The following RASA3 variants were observed in gnomAD, a reference collection of about 807,000 sequenced individuals.
RASA3 encodes the protein ras GTPase-activating protein 3.
Under a neutral mutation model 110.0 loss-of-function variants are expected in RASA3, and 73 were observed. That is an observed-to-expected ratio of 0.66 (90% confidence interval 0.55 to 0.81). RASA3 has a LOEUF of 0.81. Ranked by LOEUF, RASA3 falls within the 30% of genes least tolerant of loss-of-function variation. RASA3 has a pLI of 0.00. For missense variants in RASA3, 976 were observed against 1,113.2 expected (o/e 0.88, Z 1.75); for synonymous variants, 500 against 451.4 (o/e 1.11, Z -1.37).
intron 4 of RASA3, 63 bp from the exon 5 acceptor site, chr13:114,029,950 G>T: frequency 6.9e-7 from 1 of 1,453,450 alleles, no homozygotes; most frequent in Non-Finnish European, 9.3e-7. Flanking sequence ...CACTAGGGCC[G>T]CGCGCCCAGG....
chr13:114,000,141 GGTCTCTGTTGGGGGT>G lies in RASA3; in HGVS notation c.1850-489_1850-475del, dbSNP rs2053359685. 2.5e-5 allele frequency among the ~76,000 whole-genome samples: 3 copies of G among 121,360 alleles called. No homozygotes were observed. In the South Asian group the frequency reaches 1.0e-3, roughly 42 times the overall value. 79.6% of individuals were successfully genotyped at this position (121,360 alleles called of 152,430 possible). A position where few individuals can be genotyped will look rare whatever the true frequency, so the allele number is the denominator to read the frequency against. ...TGCCAGGAGGGTCTCTGCTGGGGGG[GGTCTCTGTTGGGGGT>G]GTCTCTGCTGGGGGTCTCTGCCAGC... On this transcript the variant is annotated intron_variant, in intron 19 of 23. Coordinates refer to ENST00000334062, the MANE Select transcript of RASA3 (RefSeq NM_007368.4).
At chr13:114,124,240 A>C (rs1438801801) in intron 1 of RASA3, among the ~76,000 whole-genome samples, 1 of 152,212 alleles carries the variant, frequency 6.6e-6, no homozygotes, top group Non-Finnish European at 1.5e-5. Flanking sequence ...TTGAAAACGA[A>C]AACTAAGAAT....
chr13:113,984,802 C>T, intron 22 of RASA3, among the ~76,000 whole-genome samples: 1 of 21,942 alleles, frequency 4.6e-5, no homozygotes, highest in Non-Finnish European at 9.5e-5. Context: ...ACCCATCCAT[C>T]CATCCACCCA....
chr13:114,040,976 C>G (rs1566515775), intron 4 of RASA3, 24 bp downstream of exon 4: 1 of 1,611,518 alleles, frequency 6.2e-7, no homozygotes, highest in Non-Finnish European at 8.5e-7. Flanking sequence ...GCTCTGGTTT[C>G]CGGGGCTGCG....
At chr13:113,995,672 CAGCTGATGGGGGCCCG>C (rs1273956233) in intron 21 of RASA3, among the ~76,000 whole-genome samples, 2 of 116,728 alleles carry the variant, frequency 1.7e-5, no homozygotes, top group African/African-American at 3.5e-5. Flanking sequence ...ACGGAGGACC[CAGCTGATGGGGGCCCG>C]GCTGATGGGG....
In RASA3 at chr13:114,047,054, G is replaced by GA. The variant is rs1425745766; in HGVS notation, c.277+4997dup. 3.3e-5 allele frequency among the ~76,000 whole-genome samples: 5 copies of GA among 152,000 alleles called. No homozygotes were observed. In the South Asian group the frequency reaches 1.0e-3, roughly 32 times the overall value. On this transcript the variant is annotated intron_variant, in intron 3 of 23. Coordinates refer to ENST00000334062, the MANE Select transcript of RASA3 (RefSeq NM_007368.4). Reference sequence around the variant, plus strand: ...GACACCACAGGTACAAATCATACAAGAAAAAAATGTGATAAACTGGACCAT... The same window carrying GA: ...GACACCACAGGTACAAATCATACAAGAAAAAAAATGTGATAAACTGGACCAT...
intron 3 of RASA3, among the ~76,000 whole-genome samples, chr13:114,041,564 G>C (rs895027845): frequency 6.6e-6 from 1 of 152,242 alleles, no homozygotes; most frequent in Admixed American, 6.5e-5. Flanking sequence ...CCAGAGCTCT[G>C]ATCTCACAAA....
rs1435849063 is a variant in RASA3, at chr13:114,014,354, C to T, written c.1405+855G>A. Among the ~76,000 whole-genome samples, 3 of 152,208 alleles carry T rather than the reference C, an allele frequency of 2.0e-5. No individual in the cohort carries two copies. Among genetic ancestry groups the T allele is most frequent in the Non-Finnish European group, 2.9e-5 (2 of 68,038 alleles). ...ACTGCCTCCCCCAGAACCCTGGGCC[C>T]CTCGGCCGGCGCTGTCTGACTGTCT... On this transcript the variant is annotated intron_variant, in intron 14 of 23. Coordinates refer to ENST00000334062, the MANE Select transcript of RASA3 (RefSeq NM_007368.4). The surrounding 1 kb of genome is among the most constrained non-coding windows in gnomAD (Gnocchi z 4.5).
intron 2 of RASA3, among the ~76,000 whole-genome samples, chr13:114,063,636 G>C (rs1377909125): frequency 6.6e-6 from 1 of 152,254 alleles, no homozygotes; most frequent in African/African-American, 2.4e-5. Flanking sequence ...AGCAGTGCCA[G>C]GTCCCCCTGC....
Position 114,060,629 on chromosome 13 carries a change from C to T in RASA3, c.174-8474G>A, listed in dbSNP as rs999252570. Among the ~76,000 whole-genome samples the T allele has an allele frequency of 2.6e-5, 4 of 152,356 alleles. No individual in the cohort carries two copies. The East Asian group carries it at 7.7e-4, about 29-fold the overall frequency. On this transcript the variant is annotated intron_variant, in intron 2 of 23. Coordinates refer to ENST00000334062, the MANE Select transcript of RASA3 (RefSeq NM_007368.4). ...CCTGCGGGGACGCGAAGGGCCAGGA[C>T]CGGACACGCCCCGTTCCGCTCTGCT...
chr13:114,002,726 A>C (rs1027932704), intron 18 of RASA3, among the ~76,000 whole-genome samples: 10 of 152,168 alleles, frequency 6.6e-5, no homozygotes, highest in African/African-American at 2.2e-4. Context: ...AGTGGAGAGA[A>C]GCCAGTGGCT....
chr13:114,091,714 C>T (rs2079891318), intron 1 of RASA3, among the ~76,000 whole-genome samples: 1 of 151,960 alleles, frequency 6.6e-6, no homozygotes, highest in Non-Finnish European at 1.5e-5. Context: ...TCAGGTAACA[C>T]TAACCTCACT....
intron 2 of RASA3, among the ~76,000 whole-genome samples, chr13:114,071,778 G>A (rs1017869605): frequency 3.3e-5 from 5 of 152,180 alleles, no homozygotes; most frequent in Non-Finnish European, 2.9e-5. Context: ...TGTCAGTGAC[G>A]GAGTGATATG....
intron 21 of RASA3, among the ~76,000 whole-genome samples, chr13:113,994,472 AAAG>A (rs2053189061): frequency 1.3e-5 from 2 of 152,228 alleles, no homozygotes; most frequent in Non-Finnish European, 1.5e-5. Flanking sequence ...ATCATAAAAA[AAAG>A]AAGAAAGAAG....
rs1270400069 is a variant in RASA3, at chr13:114,115,517, AAG to A, written c.55+16916_55+16917del. On this transcript the variant is annotated intron_variant, in intron 1 of 23. Coordinates refer to ENST00000334062, the MANE Select transcript of RASA3 (RefSeq NM_007368.4). The surrounding 1 kb of genome is among the most constrained non-coding windows in gnomAD (Gnocchi z 5.0). ...TTCATTAATACTCACTTCCTGTCGC[AAG>A]AGACTCATGCCCTAGAGATAAAGCC... 6.6e-6 allele frequency among the ~76,000 whole-genome samples: 1 copy of A among 152,226 alleles called. No homozygotes were observed. The highest frequency in any genetic ancestry group is 2.4e-5 in the African/African-American group (1 of 41,452).
chr13:114,001,134 A>T (rs1256800105), intron 18 of RASA3, among the ~76,000 whole-genome samples: 1 of 152,266 alleles, frequency 6.6e-6, no homozygotes, highest in Non-Finnish European at 1.5e-5. Context: ...GACTGCTTTG[A>T]GTCACCAGTT....
rs896537830 is a variant in RASA3 at position 114,123,931 on chromosome 13, G to A, written c.55+8504C>T. ...ATTCTTTACAGGTTGGAAATTATTCGGATAACATAAAAGAAACAATGTAAA... is the reference window on the plus strand; with the variant it reads ...ATTCTTTACAGGTTGGAAATTATTCAGATAACATAAAAGAAACAATGTAAA... On this transcript the variant is annotated intron_variant, in intron 1 of 23. Transcript: ENST00000334062. Among the ~76,000 whole-genome samples the A allele has an allele frequency of 3.3e-5, 5 of 152,188 alleles. No individual in the cohort carries two copies. In the East Asian group the frequency reaches 9.6e-4, roughly 29 times the overall value.
chr13:114,005,042 C>A (rs1166762856), intron 18 of RASA3, among the ~76,000 whole-genome samples: 1 of 152,200 alleles, frequency 6.6e-6, no homozygotes, highest in Non-Finnish European at 1.5e-5. Context: ...GCCCCATGTT[C>A]TCACTGGTCC....
rs1345131883 is a variant in RASA3 at position 114,017,324 on chromosome 13, G to A, written c.1119C>T (p.Asn373=). 9 of 1,614,004 alleles carry A rather than the reference G, an allele frequency of 5.6e-6. No homozygotes were observed. The highest frequency in any genetic ancestry group is 3.3e-4 in the Middle Eastern group (2 of 6,062). The change falls in exon 12 of 24, where the codon AAC becomes AAT. Residue 373 remains asparagine, a synonymous_variant. Transcript: ENST00000334062. Reference sequence around the variant, plus strand: ...CGTCGATGCACTTGGACGCCAGTGAGTTTCCTCGGAAGATGGTGTTGGGGT... The same window carrying A: ...CGTCGATGCACTTGGACGCCAGTGAATTTCCTCGGAAGATGGTGTTGGGGT... ...TQDPNTIFRG[N]SLASKCIDET...
Sources: gnomAD v4.1 joint callset for allele counts (sites outside exome capture counted in the v4.1 genomes callset) on GRCh38, gnomAD v4.1.1 for gene constraint, Gnocchi (gnomAD v3.1) non-coding constraint, MANE v1.5 for transcripts, NCBI Gene and HGNC (gene_info 2026-07-23, HGNC 2026-07-21) for gene names.